TBC1D9: variants seen among roughly 807,000 people sequenced by gnomAD.
TBC1D9 encodes the protein TBC1 domain family member 9A.
A neutral mutation model predicts 132.0 loss-of-function variants in TBC1D9; 63 were observed. That is an observed-to-expected ratio of 0.48 (90% CI 0.39 to 0.59). The LOEUF (loss-of-function observed/expected upper bound fraction) is 0.59, where lower values mean the gene tolerates loss of function less well. TBC1D9 is among the 20% of genes least tolerant of loss of function. The pLI is 0.00. For missense variants in TBC1D9, 1,261 were observed against 1,592.7 expected (o/e 0.79, Z 3.54); for synonymous variants, 610 against 609.9 (o/e 1.00, Z 0.00).
rs376936886 is a variant in TBC1D9 at position 140,665,495 on chromosome 4, T to C, written c.1589-3388A>G. Among the ~76,000 whole-genome samples, 239 of 152,238 alleles carry C rather than the reference T, an allele frequency of 1.6e-3. 7 individuals are homozygous for C. The South Asian group carries it at 0.043, about 27-fold the overall frequency. On this transcript the variant is annotated intron_variant, in intron 9 of 20. Coordinates refer to ENST00000442267, the MANE Select transcript of TBC1D9 (RefSeq NM_015130.3). ...TAAGTGCATGAAAAAATGTTCAACATCATTATCCTTCAGGAGAATGCAAAT... is the reference window on the plus strand; with the variant it reads ...TAAGTGCATGAAAAAATGTTCAACACCATTATCCTTCAGGAGAATGCAAAT...
intron 13 of TBC1D9, among the ~76,000 whole-genome samples, chr4:140,651,321 G>C (rs1484911992): frequency 6.6e-6 from 1 of 152,116 alleles, no homozygotes; most frequent in Non-Finnish European, 1.5e-5. Flanking sequence ...AAATTAGCCA[G>C]GTGTAGTGGT....
At chr4:140,732,134 G>C (rs1228998553) in intron 1 of TBC1D9, among the ~76,000 whole-genome samples, 2 of 152,204 alleles carry the variant, frequency 1.3e-5, no homozygotes, top group Non-Finnish European at 2.9e-5. Context: ...GCTGTCCCTA[G>C]AAGTAGTACC....
intron 13 of TBC1D9, among the ~76,000 whole-genome samples, chr4:140,647,475 G>A (rs545173275): frequency 3.9e-5 from 6 of 152,194 alleles, no homozygotes; most frequent in Non-Finnish European, 7.3e-5. Context: ...AATTACCTAT[G>A]TGAGTGGGCA....
At chr4:140,641,963 C>T (rs1223853682) in intron 13 of TBC1D9, 5 of 547,594 alleles carry the variant, frequency 9.1e-6, no homozygotes, top group Non-Finnish European at 1.7e-5. Flanking sequence ...TAACCTTAGT[C>T]AAATGAATCT....
At chr4:140,633,924 C>T (rs754305661) in intron 16 of TBC1D9, 24 bp downstream of exon 16, 1 of 1,611,860 alleles carries the variant, frequency 6.2e-7, no homozygotes, top group South Asian at 1.1e-5. Flanking sequence ...CATCCCAACT[C>T]ATGCAATAGT....
At chr4:140,662,183 TG>T in intron 9 of TBC1D9, 76 bp from the exon 10 acceptor site, 1 of 1,149,276 alleles carries the variant, frequency 8.7e-7, no homozygotes, top group Non-Finnish European at 1.3e-6. Context: ...AGCTTATGAT[TG>T]AACTGCTTTA....
intron 6 of TBC1D9, among the ~76,000 whole-genome samples, chr4:140,674,298 T>C (rs1030174098): frequency 6.6e-6 from 1 of 152,252 alleles, no homozygotes; most frequent in African/African-American, 2.4e-5. Flanking sequence ...AAATGTGTTA[T>C]AACTCCAATT....
At chr4:140,673,754 T>C (rs1377319286) in intron 6 of TBC1D9, among the ~76,000 whole-genome samples, 2 of 152,176 alleles carry the variant, frequency 1.3e-5, no homozygotes, top group African/African-American at 4.8e-5. Context: ...TATAGTCATA[T>C]TTATTATTAT....
At chr4:140,640,447 T>TGGGGGGGGGGGGG (rs55770281) in intron 13 of TBC1D9, among the ~76,000 whole-genome samples, 84 of 108,014 alleles carry the variant, frequency 7.8e-4, no homozygotes, top group East Asian at 1.4e-3. Flanking sequence ...GGTGGTGGGG[T>TGGGGGGGGGGGGG]GGGGGGGGGA....
intron 1 of TBC1D9, among the ~76,000 whole-genome samples, chr4:140,721,794 T>C (rs1738426692): frequency 6.6e-6 from 1 of 152,216 alleles, no homozygotes; most frequent in Admixed American, 6.5e-5. Flanking sequence ...CAGGATCATT[T>C]TGACCCAGTG....
At chr4:140,684,873 G>C (rs1321243336) in intron 3 of TBC1D9, among the ~76,000 whole-genome samples, 1 of 65,968 alleles carries the variant, frequency 1.5e-5, no homozygotes, top group East Asian at 7.0e-4. Context: ...GGACAAAGGA[G>C]GCAATTTGTA....
At chr4:140,687,355 T>TC (rs1737801142) in intron 2 of TBC1D9, among the ~76,000 whole-genome samples, 4 of 39,268 alleles carry the variant, frequency 1.0e-4, no homozygotes, top group African/African-American at 6.3e-4. Flanking sequence ...TATATATATA[T>TC]ATATATATAT....
At chr4:140,731,305 C>T (rs901106346) in intron 1 of TBC1D9, among the ~76,000 whole-genome samples, 2 of 152,160 alleles carry the variant, frequency 1.3e-5, no homozygotes, top group Admixed American at 1.3e-4. Flanking sequence ...TCTCAGTAAA[C>T]ACTCAATTAA....
intron 1 of TBC1D9, among the ~76,000 whole-genome samples, chr4:140,712,762 T>TAGATAGAC (rs925995375): frequency 3.3e-5 from 5 of 150,834 alleles, no homozygotes; most frequent in African/African-American, 9.8e-5. Flanking sequence ...GATAGATAGA[T>TAGATAGAC]AGATAGATAG....
chr4:140,666,075 G>A (rs1224415262), intron 9 of TBC1D9, among the ~76,000 whole-genome samples: 1 of 152,104 alleles, frequency 6.6e-6, no homozygotes, highest in Non-Finnish European at 1.5e-5. Context: ...ACTGAAAAAC[G>A]AATGAACAGA....
rs907670134 is a variant in TBC1D9 at position 140,633,860 on chromosome 4, G to A, written c.2746+88C>T. On this transcript the variant is annotated intron_variant, in intron 16 of 20. Transcript: ENST00000442267. ...AATCAGTTTGCAAACCTCCCCTTGT[G>A]CTTCTGTAGCCCTGAGGGCAGCATG... The A allele has an allele frequency of 1.4e-5, 21 of 1,502,472 alleles. No individual in the cohort carries two copies. The African/African-American group carries it at 2.1e-4, about 15-fold the overall frequency. The allele number at this position is 1,502,472 out of a possible 1,614,324, so 93.1% of individuals were successfully genotyped here. A position where few individuals can be genotyped will look rare whatever the true frequency, so the allele number is the denominator to read the frequency against.
chr4:140,668,995 G>A lies in TBC1D9; in HGVS notation c.1510C>T (p.Arg504Cys), dbSNP rs371092142. Residue 504 changes from arginine (R) to cysteine (C), a missense_variant, in exon 9 of 21, where the codon CGC (arginine) becomes TGC (cysteine). Transcript: ENST00000442267. ...ACCAGCTCCCGCGTTTTCTCTGTGC[G>A]GTACATGCAGATCCCTTGCCCATAC... The part of the protein sequence containing the change: ...AEYGQGICMY[R>C]TEKTRELVLK... 5.7e-5 allele frequency: 92 copies of A among 1,613,786 alleles called. No individual in the cohort carries two copies. The highest frequency in any genetic ancestry group is 1.1e-5 in the South Asian group (1 of 91,062).
chr4:140,744,879 T>TAAAA (rs34469042), intron 1 of TBC1D9, among the ~76,000 whole-genome samples: 2 of 107,504 alleles, frequency 1.9e-5, no homozygotes, highest in Admixed American at 1.0e-4. Flanking sequence ...CAAGAGTGTT[T>TAAAA]AAAAAAAAAA....
At chr4:140,741,455 G>A (rs964428585) in intron 1 of TBC1D9, among the ~76,000 whole-genome samples, 2 of 152,098 alleles carry the variant, frequency 1.3e-5, no homozygotes, top group Non-Finnish European at 2.9e-5. Flanking sequence ...GGTGCCTCAC[G>A]CCTGTAATCC....
Sources: gnomAD v4.1 joint callset for allele counts (sites outside exome capture counted in the v4.1 genomes callset) on GRCh38, gnomAD v4.1.1 for gene constraint, MANE v1.5 for transcripts, NCBI Gene and HGNC (gene_info 2026-07-23, HGNC 2026-07-21) for gene names.